KSR2: variants seen among roughly 807,000 people sequenced by gnomAD.
KSR2 encodes kinase suppressor of ras 2.
KSR2 carries 25 observed loss-of-function variants against 107.8 expected under a neutral mutation model. The observed-to-expected ratio is 0.23, with a 90% confidence interval of 0.17 to 0.32. KSR2 has a LOEUF of 0.32. KSR2 is among the 10% of genes least tolerant of loss of function. The pLI, the probability that KSR2 is intolerant of heterozygous loss-of-function variation, is 1.00. For missense variants in KSR2, 887 were observed against 1,268.9 expected (o/e 0.70, Z 4.57); for synonymous variants, 480 against 507.0 (o/e 0.95, Z 0.71).
intron 12 of KSR2, among the ~76,000 whole-genome samples, chr12:117,530,465 T>C (rs1875535898): frequency 6.6e-6 from 1 of 152,102 alleles, no homozygotes; most frequent in Admixed American, 6.5e-5. Context: ...AAACTTTAAA[T>C]AAAAACAAGC....
rs1040730158 is a variant in KSR2, at chr12:117,454,389, C to G, written c.*12810G>C. On this transcript the variant is annotated 3_prime_UTR_variant, in exon 20 of 20. Coordinates refer to ENST00000339824, the MANE Select transcript of KSR2 (RefSeq NM_173598.6). Reference sequence around the variant, plus strand: ...AGTCAAGTTGAAGCAGATAAACAAGCCTCGCTAATTTGCAGTAGCCACATA... The same window carrying G: ...AGTCAAGTTGAAGCAGATAAACAAGGCTCGCTAATTTGCAGTAGCCACATA... 6.6e-6 allele frequency: 1 copy of G among 152,232 alleles called. No individual in the cohort carries two copies. The highest frequency in any genetic ancestry group is 1.5e-5 in the Non-Finnish European group (1 of 68,050). The allele number at this position is 152,232 out of a possible 1,614,324, so 9.4% of individuals were successfully genotyped here.
In KSR2 at chr12:117,761,247, T is replaced by C; in HGVS notation, c.750A>G (p.Pro250=). The change falls in exon 4 of 20, where the codon CCA becomes CCG. Residue 250 remains proline (P), a synonymous_variant. Coordinates refer to ENST00000339824, the MANE Select transcript of KSR2 (RefSeq NM_173598.6). Reference sequence around the variant, plus strand: ...GGACCGCGTGCCGCTGCCGGGGCGATGGGGGCAGGGAACGGTGGCCCGACT... The same window carrying C: ...GGACCGCGTGCCGCTGCCGGGGCGACGGGGGCAGGGAACGGTGGCCCGACT... ...PLESGHRSLP[P]SPRQRHAVRT... 6.5e-7 allele frequency: 1 copy of C among 1,536,392 alleles called. No homozygotes were observed. The highest frequency in any genetic ancestry group is 8.7e-7 in the Non-Finnish European group (1 of 1,143,614).
intron 1 of KSR2, among the ~76,000 whole-genome samples, chr12:117,867,220 G>A (rs2137270795): frequency 6.6e-6 from 1 of 152,234 alleles, no homozygotes; most frequent in Admixed American, 6.5e-5. Flanking sequence ...GGAGGCTGAG[G>A]TGGGAGGATG....
intron 3 of KSR2, among the ~76,000 whole-genome samples, chr12:117,834,140 CA>C (rs1303018174): frequency 7.8e-4 from 106 of 136,348 alleles, no homozygotes; most frequent in Admixed American, 1.4e-3. Flanking sequence ...GACCCTGTCT[CA>C]AAAAAAATAA....
At chr12:117,700,833 C>T (rs1200077426) in intron 4 of KSR2, among the ~76,000 whole-genome samples, 1 of 152,138 alleles carries the variant, frequency 6.6e-6, no homozygotes. Flanking sequence ...TTTTGTACAA[C>T]TCCCAATGTC....
At chr12:117,659,892 G>A (rs1376362684) in intron 5 of KSR2, among the ~76,000 whole-genome samples, 2 of 152,204 alleles carry the variant, frequency 1.3e-5, no homozygotes, top group Non-Finnish European at 2.9e-5. Context: ...GCTTGTAAAA[G>A]TCAGGATCTC....
At position 117,471,313 on chromosome 12, in the gene KSR2, A is replaced by T. The variant is rs981831642; in HGVS notation, c.2590T>A (p.Trp864Arg). 1 of 1,612,624 alleles carries T rather than the reference A, an allele frequency of 6.2e-7. No homozygotes were observed. Among genetic ancestry groups the T allele is most frequent in the Non-Finnish European group, 8.5e-7 (1 of 1,179,370 alleles). ...CATTCCCTGGCGTGGAGTTCATACC[A>T]GATTGTGCTGTTGGCAGACGTTGTT... is the stretch of plus-strand genomic sequence containing the variant. ...HSDVFALGTIWYELHAREWPF... is the reference protein window; with the variant it reads ...HSDVFALGTIRYELHAREWPF... The change falls in exon 18 of 20, where the codon TGG (tryptophan) becomes AGG (arginine). Residue 864 changes from tryptophan to arginine, a missense_variant. Trp to Arg is a moderately radical substitution (Grantham distance 101). Transcript: ENST00000339824.
chr12:117,834,150 A>T (rs79806556), intron 3 of KSR2, among the ~76,000 whole-genome samples: 5 of 110,662 alleles, frequency 4.5e-5, no homozygotes, highest in East Asian at 3.4e-4. Flanking sequence ...CAAAAAAAAT[A>T]AAAAAAAAAA....
intron 1 of KSR2, among the ~76,000 whole-genome samples, chr12:117,887,821 T>A (rs970965242): frequency 1.3e-5 from 2 of 152,040 alleles, no homozygotes; most frequent in Non-Finnish European, 2.9e-5. Flanking sequence ...AAAAAAATTT[T>A]AAAAAACTCT....
chr12:117,645,029 T>A (rs1883552006), intron 5 of KSR2, among the ~76,000 whole-genome samples: 1 of 152,248 alleles, frequency 6.6e-6, no homozygotes, highest in Non-Finnish European at 1.5e-5. Context: ...GGGCCACAGT[T>A]GGTTAGAGTG....
At chr12:117,634,252 G>A (rs1882944866) in intron 5 of KSR2, among the ~76,000 whole-genome samples, 1 of 152,148 alleles carries the variant, frequency 6.6e-6, no homozygotes, top group Admixed American at 6.5e-5. Context: ...GGTAGGGAGA[G>A]GGAGGGAGCC....
intron 1 of KSR2, among the ~76,000 whole-genome samples, chr12:117,865,073 A>AT: frequency 6.6e-6 from 1 of 151,602 alleles, no homozygotes; most frequent in East Asian, 2.0e-4. Flanking sequence ...AAAAATAATA[A>AT]AAATAATTAA....
intron 6 of KSR2, among the ~76,000 whole-genome samples, chr12:117,582,059 G>A (rs1290661000): frequency 2.0e-5 from 3 of 152,198 alleles, no homozygotes; most frequent in Non-Finnish European, 4.4e-5. Flanking sequence ...CAAAGCCCTG[G>A]CTTTTAACTG....
At chr12:117,726,388 T>C (rs976293059) in intron 4 of KSR2, among the ~76,000 whole-genome samples, 10 of 152,188 alleles carry the variant, frequency 6.6e-5, no homozygotes, top group African/African-American at 1.9e-4. Context: ...TAAAGTTAGA[T>C]GCCTGACAAT....
At chr12:117,740,246 G>A (rs886936772) in intron 4 of KSR2, among the ~76,000 whole-genome samples, 5 of 148,554 alleles carry the variant, frequency 3.4e-5, no homozygotes, top group African/African-American at 7.4e-5. Flanking sequence ...AGGTTGCTGC[G>A]AATGCCATTA....
At position 117,545,018 on chromosome 12, in the gene KSR2, A is replaced by G. The variant is rs183894942; in HGVS notation, c.1519-5131T>C. 6.0e-4 allele frequency among the ~76,000 whole-genome samples: 92 copies of G among 152,136 alleles called. 1 individual carries two copies. Among genetic ancestry groups the G allele is most frequent in the Admixed American group, 2.7e-3 (41 of 15,288 alleles). ...GAATTTCCTCATTTTTACTTTTCTG[A>G]TTTCTTTTATCACGAATGGTTTTTG... On this transcript the variant is annotated intron_variant, in intron 9 of 19. Coordinates refer to ENST00000339824, the MANE Select transcript of KSR2 (RefSeq NM_173598.6).
chr12:117,895,501 AT>A (rs1268199157), intron 1 of KSR2, among the ~76,000 whole-genome samples: 5 of 152,122 alleles, frequency 3.3e-5, no homozygotes, highest in East Asian at 3.9e-4. Context: ...GGAATCTGGC[AT>A]TTTTTTAAAG....
At chr12:117,740,021 A>G (rs1208737635) in intron 4 of KSR2, among the ~76,000 whole-genome samples, 1 of 151,502 alleles carries the variant, frequency 6.6e-6, no homozygotes, top group Non-Finnish European at 1.5e-5. Flanking sequence ...ATTTTCGTGC[A>G]CCCATCACCC....
rs79810768 is a variant in KSR2, at chr12:117,529,090, G to A, written c.1802+1851C>T. Among the ~76,000 whole-genome samples the A allele has an allele frequency of 8.7e-4, 133 of 152,358 alleles. 1 individual carries two copies. The highest frequency in any genetic ancestry group is 3.4e-3 in the Middle Eastern group (1 of 294). On this transcript the variant is annotated intron_variant, in intron 12 of 19. Coordinates refer to ENST00000339824, the MANE Select transcript of KSR2 (RefSeq NM_173598.6). The stretch of plus-strand genomic sequence containing the variant: ...AAAGTCCATAAGACCAGTCAGAAAA[G>A]ATGAAGCAGTTAGGGGACCCAGAAG...
Sources: gnomAD v4.1 joint callset for allele counts (sites outside exome capture counted in the v4.1 genomes callset) on GRCh38, gnomAD v4.1.1 for gene constraint, MANE v1.5 for transcripts, NCBI Gene and HGNC (gene_info 2026-07-23, HGNC 2026-07-21) for gene names.